MACROD2: variants seen among roughly 807,000 people sequenced by gnomAD.
MACROD2 encodes mono-ADP ribosylhydrolase 2.
MACROD2 carries 36 observed loss-of-function variants against 70.4 expected under a neutral mutation model. The ratio of observed to expected loss-of-function variants is 0.51; its 90% CI spans 0.39 to 0.68. The LOEUF (loss-of-function observed/expected upper bound fraction) is 0.68, where lower values mean the gene tolerates loss of function less well. MACROD2 is among the 30% of genes least tolerant of loss of function. The pLI is 0.00. For missense variants in MACROD2, 496 were observed against 538.4 expected, an observed-to-expected ratio of 0.92 and a Z score of 0.78; for synonymous variants, 172 against 178.8, an observed-to-expected ratio of 0.96 and a Z score of 0.30.
chr20:15,772,100 A>AAG (rs2051642786), intron 8 of MACROD2, among the ~76,000 whole-genome samples: 1 of 89,686 alleles, frequency 1.1e-5, no homozygotes, highest in Non-Finnish European at 1.9e-5. Flanking sequence ...AAAAAAAAAA[A>AAG]AATATATATA....
At chr20:14,941,925 T>G in intron 5 of MACROD2, among the ~76,000 whole-genome samples, 1 of 151,554 alleles carries the variant, frequency 6.6e-6, no homozygotes. Flanking sequence ...TTGGGACCAC[T>G]GACGTGTGCC....
intron 5 of MACROD2, among the ~76,000 whole-genome samples, chr20:15,172,482 G>C: frequency 6.6e-6 from 1 of 152,152 alleles, no homozygotes; most frequent in East Asian, 1.9e-4. Context: ...GAACTCCTGG[G>C]CTCGAGCTAT....
intron 6 of MACROD2, among the ~76,000 whole-genome samples, chr20:15,270,154 CTTTT>C (rs3045758): frequency 7.6e-5 from 9 of 118,298 alleles, no homozygotes; most frequent in Non-Finnish European, 8.9e-5. Flanking sequence ...CTGACACAGC[CTTTT>C]TTTTTTTTTT....
chr20:14,576,143 C>T (rs971956765), intron 4 of MACROD2, among the ~76,000 whole-genome samples: 1 of 152,106 alleles, frequency 6.6e-6, no homozygotes, highest in East Asian at 1.9e-4. Flanking sequence ...CCCAGCCCCA[C>T]GACTGGTATT....
chr20:15,856,029 T>A (rs77349429), intron 8 of MACROD2, among the ~76,000 whole-genome samples: 4,470 of 152,254 alleles, frequency 0.029, 132 homozygotes, highest in East Asian at 0.13. Flanking sequence ...TAGGTTCTAC[T>A]AGGTATCTAT....
At chr20:14,892,881 G>C (rs185968021) in intron 5 of MACROD2, 1 of 152,288 alleles carries the variant, frequency 6.6e-6, no homozygotes, top group Non-Finnish European at 1.5e-5. Flanking sequence ...ATTAGAACAT[G>C]TTGCCAAGGC....
At chr20:15,499,431 TTAATC>T (rs1328967570) in intron 7 of MACROD2, among the ~76,000 whole-genome samples, 3 of 152,202 alleles carry the variant, frequency 2.0e-5, no homozygotes, top group Non-Finnish European at 4.4e-5. Flanking sequence ...ATAATAAACT[TTAATC>T]TGAGCACTTC....
At chr20:15,626,684 G>C (rs2049207286) in intron 8 of MACROD2, among the ~76,000 whole-genome samples, 1 of 152,102 alleles carries the variant, frequency 6.6e-6, no homozygotes, top group African/African-American at 2.4e-5. Context: ...GTGAAACCCT[G>C]TTTCTACTAA....
chr20:14,897,575 T>G (rs1231803125), intron 5 of MACROD2, among the ~76,000 whole-genome samples: 1 of 152,192 alleles, frequency 6.6e-6, no homozygotes, highest in Non-Finnish European at 1.5e-5. Context: ...TAGTTAGTGC[T>G]TCATTTCAGG....
At chr20:14,021,384 T>TA (rs1419894013) in intron 2 of MACROD2, among the ~76,000 whole-genome samples, 1 of 152,212 alleles carries the variant, frequency 6.6e-6, no homozygotes, top group African/African-American at 2.4e-5. Context: ...TGTGAGTCTG[T>TA]AGCGGCCTTG....
chr20:15,771,731 C>G (rs2051630754), intron 8 of MACROD2, among the ~76,000 whole-genome samples: 1 of 151,924 alleles, frequency 6.6e-6, no homozygotes, highest in Admixed American at 6.6e-5. Flanking sequence ...CAAGCTTTGA[C>G]TAGAAACCTC....
At chr20:15,679,037 G>T (rs1399450898) in intron 8 of MACROD2, among the ~76,000 whole-genome samples, 2 of 152,100 alleles carry the variant, frequency 1.3e-5, no homozygotes, top group African/African-American at 4.8e-5. Context: ...AGGAATTCGA[G>T]ACCAGCCTAG....
chr20:14,393,715 T>A (rs2083551394), intron 3 of MACROD2, among the ~76,000 whole-genome samples: 1 of 152,220 alleles, frequency 6.6e-6, no homozygotes. Flanking sequence ...TCATTATTGC[T>A]TGCCATATGT....
intron 5 of MACROD2, among the ~76,000 whole-genome samples, chr20:14,846,541 G>C (rs1002740219): frequency 6.7e-6 from 1 of 149,484 alleles, no homozygotes; most frequent in African/African-American, 2.5e-5. Context: ...TTTTTGAGAC[G>C]GAGTCTCCCT....
At chr20:15,025,578 A>G (rs1298074199) in intron 5 of MACROD2, among the ~76,000 whole-genome samples, 2 of 152,188 alleles carry the variant, frequency 1.3e-5, no homozygotes, top group Non-Finnish European at 1.5e-5. Flanking sequence ...ATAGATCTAC[A>G]CTATCATTTC....
chr20:16,001,749 T>C (rs1000305759), intron 15 of MACROD2, among the ~76,000 whole-genome samples: 1 of 152,200 alleles, frequency 6.6e-6, no homozygotes, highest in Non-Finnish European at 1.5e-5. Flanking sequence ...ACTTCATCTG[T>C]TCTTTTGTTT....
At chr20:15,022,449 T>G (rs2075195368) in intron 5 of MACROD2, among the ~76,000 whole-genome samples, 1 of 152,208 alleles carries the variant, frequency 6.6e-6, no homozygotes, top group Non-Finnish European at 1.5e-5. Flanking sequence ...TAAAGTTGGA[T>G]AGAACATATT....
intron 5 of MACROD2, among the ~76,000 whole-genome samples, chr20:14,925,262 A>G (rs1294963246): frequency 1.3e-5 from 2 of 152,140 alleles, no homozygotes. Flanking sequence ...GCCTTCCATA[A>G]TATAAATAAT....
At chr20:14,761,760 C>T (rs112426520) in intron 5 of MACROD2, among the ~76,000 whole-genome samples, 1 of 152,090 alleles carries the variant, frequency 6.6e-6, no homozygotes, top group African/African-American at 2.4e-5. Context: ...ACTCTGAAAA[C>T]ACACTACTTG....
Sources: gnomAD v4.1 joint callset for allele counts (sites outside exome capture counted in the v4.1 genomes callset) on GRCh38, gnomAD v4.1.1 for gene constraint, MANE v1.5 for transcripts, NCBI Gene and HGNC (gene_info 2026-07-23, HGNC 2026-07-21) for gene names.